The following ENOPH1 variants were observed in gnomAD, a reference collection of about 807,000 sequenced individuals.
ENOPH1 encodes the protein enolase-phosphatase 1, also known as enolase-phosphatase E1.
Under a neutral mutation model 31.1 loss-of-function variants are expected in ENOPH1, and 14 were observed. The observed-to-expected ratio is 0.45, with a 90% CI of 0.30 to 0.70. ENOPH1 has a LOEUF of 0.70. ENOPH1 is among the 30% of genes least tolerant of loss of function. ENOPH1 has a pLI of 0.09. For synonymous variants in ENOPH1, 127 were observed against 123.2 expected, an observed-to-expected ratio of 1.03 and a Z score of -0.21; for missense variants, 243 against 321.5, an observed-to-expected ratio of 0.76 and a Z score of 1.87.
chr4:82,435,080 C>T (rs564832360), intron 1 of ENOPH1, among the ~76,000 whole-genome samples: 1 of 152,262 alleles, frequency 6.6e-6, no homozygotes, highest in East Asian at 1.9e-4. Flanking sequence ...CCGCAGGACA[C>T]ATACCTCTGG....
At chr4:82,450,019 C>A (rs973294330) in intron 2 of ENOPH1, among the ~76,000 whole-genome samples, 1 of 152,188 alleles carries the variant, frequency 6.6e-6, no homozygotes, top group African/African-American at 2.4e-5. Context: ...ACATGGTCTG[C>A]AGAGCTAACT....
At chr4:82,449,700 G>A (rs867970851) in intron 2 of ENOPH1, among the ~76,000 whole-genome samples, 1 of 152,248 alleles carries the variant, frequency 6.6e-6, no homozygotes, top group African/African-American at 2.4e-5. Flanking sequence ...TTTGGGTGGG[G>A]ACACACATCC....
chr4:82,435,521 T>C (rs888746460), intron 1 of ENOPH1, among the ~76,000 whole-genome samples: 3 of 152,250 alleles, frequency 2.0e-5, no homozygotes, highest in Non-Finnish European at 4.4e-5. Context: ...TGTCCTCTTA[T>C]AATGTATTTT....
intron 4 of ENOPH1, 133 bp from the exon 5 acceptor site, chr4:82,456,782 G>A: frequency 9.0e-7 from 1 of 1,113,856 alleles, no homozygotes. Flanking sequence ...CCTCCATAAA[G>A]TTCCCTATTA....
At chr4:82,440,800 T>G in intron 1 of ENOPH1, among the ~76,000 whole-genome samples, 1 of 152,266 alleles carries the variant, frequency 6.6e-6, no homozygotes, top group East Asian at 1.9e-4. Context: ...TTTTGTCTTA[T>G]CAGCACCACA....
intron 3 of ENOPH1, among the ~76,000 whole-genome samples, chr4:82,453,328 A>T (rs888886409): frequency 7.2e-5 from 11 of 152,260 alleles, no homozygotes; most frequent in African/African-American, 2.4e-4. Context: ...TATGTACTTT[A>T]CGAGGAGCTT....
intron 1 of ENOPH1, among the ~76,000 whole-genome samples, chr4:82,441,337 A>C (rs1363322409): frequency 6.6e-6 from 1 of 152,152 alleles, no homozygotes; most frequent in African/African-American, 2.4e-5. Flanking sequence ...TAAAACCATC[A>C]GGTTGTCAGG....
intron 2 of ENOPH1, among the ~76,000 whole-genome samples, chr4:82,449,057 C>CAAAAA (rs10604951): frequency 6.1e-5 from 3 of 49,522 alleles, no homozygotes; most frequent in Admixed American, 2.9e-4. Context: ...GACTCCGTCT[C>CAAAAA]AAAAAAAAAA....
intron 4 of ENOPH1, 133 bp downstream of exon 4, chr4:82,454,987 A>G: frequency 1.3e-6 from 1 of 765,178 alleles, no homozygotes; most frequent in South Asian, 2.0e-5. Flanking sequence ...AGAAGAAAAT[A>G]ATCACTTTTA....
At chr4:82,435,624 G>A (rs1721886074) in intron 1 of ENOPH1, among the ~76,000 whole-genome samples, 1 of 152,134 alleles carries the variant, frequency 6.6e-6, no homozygotes, top group African/African-American at 2.4e-5. Context: ...GAGCTTTAAA[G>A]TCTGATAGTT....
At chr4:82,456,884 A>C (rs768567518) in intron 4 of ENOPH1, 31 bp from the exon 5 acceptor site, 23 of 1,610,276 alleles carry the variant, frequency 1.4e-5, no homozygotes, top group Non-Finnish European at 1.9e-5. Flanking sequence ...GTGTATTTGT[A>C]TTGCCAGTCT....
At chr4:82,437,082 TA>T (rs916782712) in intron 1 of ENOPH1, among the ~76,000 whole-genome samples, 10 of 151,314 alleles carry the variant, frequency 6.6e-5, no homozygotes, top group Admixed American at 6.6e-5. Flanking sequence ...GACCCTGTCT[TA>T]AAAAAAAATT....
At position 82,437,826 on chromosome 4, in the gene ENOPH1, A is replaced by T. The variant is rs181867094; in HGVS notation, c.84+6913A>T. Among the ~76,000 whole-genome samples the T allele has an allele frequency of 7.9e-5, 12 of 152,304 alleles. No individual in the cohort carries two copies. The East Asian group carries it at 2.1e-3, about 27-fold the overall frequency. ...CAGGCATGCTGTAACATGCTGGGTG[A>T]TGGTGATATGCATTCCGGAATGGGT... On this transcript the variant is annotated intron_variant, in intron 1 of 5. Coordinates refer to ENST00000273920, the MANE Select transcript of ENOPH1 (RefSeq NM_021204.5).
At chr4:82,431,467 A>G (rs1391082486) in intron 1 of ENOPH1, among the ~76,000 whole-genome samples, 1 of 152,186 alleles carries the variant, frequency 6.6e-6, no homozygotes, top group Non-Finnish European at 1.5e-5. Flanking sequence ...TTACTCTGTT[A>G]GGCGCTGTGG....
At chr4:82,446,177 G>A (rs1475116506) in intron 1 of ENOPH1, among the ~76,000 whole-genome samples, 1 of 152,146 alleles carries the variant, frequency 6.6e-6, no homozygotes, top group African/African-American at 2.4e-5. Context: ...CAGCACTTTG[G>A]GAGGCTGAGG....
intron 1 of ENOPH1, among the ~76,000 whole-genome samples, chr4:82,435,236 G>C (rs937539615): frequency 7.2e-5 from 11 of 151,976 alleles, no homozygotes; most frequent in Non-Finnish European, 1.6e-4. Context: ...TGAGTAGCTG[G>C]GACCACGAGT....
chr4:82,447,335 A>G (rs577437032), intron 1 of ENOPH1, among the ~76,000 whole-genome samples: 2 of 152,168 alleles, frequency 1.3e-5, no homozygotes, highest in East Asian at 1.9e-4. Flanking sequence ...GTTACCAAGA[A>G]AGAGTCATGG....
At chr4:82,439,151 G>A (rs1213811591) in intron 1 of ENOPH1, among the ~76,000 whole-genome samples, 2 of 152,156 alleles carry the variant, frequency 1.3e-5, no homozygotes, top group Non-Finnish European at 2.9e-5. Flanking sequence ...TCTTTTCAAA[G>A]ACAGAATGTC....
chr4:82,448,928 G>A (rs1366384375), intron 2 of ENOPH1, among the ~76,000 whole-genome samples: 3 of 151,258 alleles, frequency 2.0e-5, no homozygotes, highest in Non-Finnish European at 4.4e-5. Context: ...CGTAGTGGCC[G>A]GCGCCTGTAG....
Sources: allele counts gnomAD v4.1 joint callset (sites outside exome capture counted in the v4.1 genomes callset), GRCh38; gene constraint gnomAD v4.1.1; transcripts MANE v1.5; gene names NCBI Gene and HGNC (gene_info 2026-07-23, HGNC 2026-07-21).